AGFG1: variants seen among roughly 807,000 people sequenced by gnomAD.
The protein encoded by AGFG1 is ArfGAP with FG repeats 1, also known as arf-GAP domain and FG repeat-containing protein 1.
Under a neutral mutation model 60.6 loss-of-function variants are expected in AGFG1, and 10 were observed. That is an observed-to-expected ratio of 0.16 (90% CI 0.10 to 0.28). The LOEUF (loss-of-function observed/expected upper bound fraction) is 0.28. Among genes scored for constraint, AGFG1 ranks in the 10% least tolerant of loss-of-function variants. The pLI is 1.00. For synonymous variants in AGFG1, 247 were observed against 242.9 expected (o/e 1.02, Z -0.16); for missense variants, 537 against 676.5 (o/e 0.79, Z 2.29).
At chr2:227,488,425 A>G (rs1690703166) in intron 1 of AGFG1, among the ~76,000 whole-genome samples, 3 of 152,244 alleles carry the variant, frequency 2.0e-5, no homozygotes, top group Admixed American at 6.5e-5. Flanking sequence ...GTTTGCTCCA[A>G]AATTTCCAAA....
intron 6 of AGFG1, chr2:227,532,136 A>G: frequency 6.5e-7 from 1 of 1,541,148 alleles, no homozygotes; most frequent in Non-Finnish European, 8.7e-7. Context: ...CTGGCTGTCC[A>G]GCATTTAGAA....
chr2:227,525,050 T>A, intron 5 of AGFG1, 135 bp downstream of exon 5: 1 of 985,064 alleles, frequency 1.0e-6, no homozygotes, highest in Non-Finnish European at 1.5e-6. Flanking sequence ...TGTTGAGCTG[T>A]AATATGTAAC....
At chr2:227,491,008 T>TC (rs1469805948) in intron 1 of AGFG1, among the ~76,000 whole-genome samples, 1 of 152,178 alleles carries the variant, frequency 6.6e-6, no homozygotes, top group African/African-American at 2.4e-5. Context: ...TATAAATTCT[T>TC]ACTTGAATTG....
chr2:227,506,354 C>T (rs1399579678), intron 2 of AGFG1, among the ~76,000 whole-genome samples: 1 of 151,976 alleles, frequency 6.6e-6, no homozygotes, highest in African/African-American at 2.4e-5. Flanking sequence ...AGGAGTGAGC[C>T]AGAGACTTGG....
intron 2 of AGFG1, among the ~76,000 whole-genome samples, chr2:227,504,058 G>A (rs1362763826): frequency 6.6e-6 from 1 of 152,122 alleles, no homozygotes; most frequent in African/African-American, 2.4e-5. Context: ...TGTTTATTAA[G>A]TGGAAGTAGA....
chr2:227,534,130 A>T (rs1257420256), intron 7 of AGFG1, among the ~76,000 whole-genome samples: 1 of 151,292 alleles, frequency 6.6e-6, no homozygotes, highest in Non-Finnish European at 1.5e-5. Context: ...TTCCGTTAAC[A>T]TCTTGGTGGG....
At chr2:227,493,506 G>C (rs974801088) in intron 2 of AGFG1, among the ~76,000 whole-genome samples, 3 of 152,114 alleles carry the variant, frequency 2.0e-5, no homozygotes, top group African/African-American at 7.2e-5. Flanking sequence ...ATTTTTTAAG[G>C]CTATAGCATT....
chr2:227,487,027 A>G lies in AGFG1; in HGVS notation c.168-4520A>G, dbSNP rs535131921. On this transcript the variant is annotated intron_variant, in intron 1 of 12. Coordinates refer to ENST00000310078, the MANE Select transcript of AGFG1 (RefSeq NM_004504.5). Reference sequence around the variant, plus strand: ...GAAGCCTTGATTTAGAGAAATCAAGATAAGGTGTTGATGCTGGTGGGTATC... The same window carrying G: ...GAAGCCTTGATTTAGAGAAATCAAGGTAAGGTGTTGATGCTGGTGGGTATC... Among the ~76,000 whole-genome samples the G allele has an allele frequency of 4.6e-5, 7 of 152,342 alleles. No individual in the cohort carries two copies. The East Asian group carries it at 5.8e-4, about 13-fold the overall frequency.
chr2:227,554,284 A>G lies in AGFG1; in HGVS notation c.1630-152A>G, dbSNP rs765718166. 2.6e-5 allele frequency: 17 copies of G among 653,398 alleles called. No homozygotes were observed. The Middle Eastern group carries it at 1.3e-3, about 50-fold the overall frequency. The allele number at this position is 653,398 out of a possible 1,614,324, so 40.5% of individuals were successfully genotyped here. A position where few individuals can be genotyped will look rare whatever the true frequency, so the allele number is the denominator to read the frequency against. ...GACACATAGTAGTTTGATATAGCTTATTGCCAATAACAAATATTATTGCCA... is the reference window on the plus strand; with the variant it reads ...GACACATAGTAGTTTGATATAGCTTGTTGCCAATAACAAATATTATTGCCA... On this transcript the variant is annotated intron_variant, in intron 12 of 12. Transcript: ENST00000310078.
intron 10 of AGFG1, among the ~76,000 whole-genome samples, chr2:227,548,885 C>T (rs1266377983): frequency 1.3e-5 from 2 of 151,510 alleles, no homozygotes; most frequent in East Asian, 1.9e-4. Flanking sequence ...TGCAGTGAGC[C>T]GAGATCACAC....
At chr2:227,489,726 C>A (rs6742120) in intron 1 of AGFG1, among the ~76,000 whole-genome samples, 1 of 151,984 alleles carries the variant, frequency 6.6e-6, no homozygotes, top group Non-Finnish European at 1.5e-5. Flanking sequence ...AGATCATGAT[C>A]TGAAAGATGA....
intron 1 of AGFG1, among the ~76,000 whole-genome samples, chr2:227,472,919 G>A (rs1349667889): frequency 6.7e-6 from 1 of 148,730 alleles, no homozygotes; most frequent in East Asian, 2.0e-4. Flanking sequence ...GCCTGCGGCC[G>A]CCGCCCTCGC....
At chr2:227,523,710 G>T in intron 3 of AGFG1, 53 bp from the exon 4 acceptor site, 1 of 1,520,064 alleles carries the variant, frequency 6.6e-7, no homozygotes, top group Non-Finnish European at 9.0e-7. Flanking sequence ...ATCATTTTTT[G>T]ATATAGAATT....
In AGFG1 at chr2:227,558,217, C is replaced by CT. The variant is rs1693032037; in HGVS notation, c.*3727dup. 1.3e-5 allele frequency: 2 copies of CT among 152,254 alleles called. No individual in the cohort carries two copies. The highest frequency in any genetic ancestry group is 2.9e-5 in the Non-Finnish European group (2 of 68,016). 9.4% of individuals were successfully genotyped at this position (152,254 alleles called of 1,614,324 possible). ...CATAGAGAGGTTAAGCTAGTGGCAG[C>CT]TTTTTGCTCTGGGGAACAGATTTGG... On this transcript the variant is annotated 3_prime_UTR_variant, in exon 13 of 13. Transcript: ENST00000310078.
intron 2 of AGFG1, among the ~76,000 whole-genome samples, chr2:227,496,399 G>A (rs1408019747): frequency 6.8e-6 from 1 of 147,566 alleles, no homozygotes; most frequent in Non-Finnish European, 1.5e-5. Context: ...CCGAGATTGC[G>A]CCACTGCACT....
chr2:227,544,807 G>C (rs1295917662), intron 10 of AGFG1, among the ~76,000 whole-genome samples: 1 of 152,134 alleles, frequency 6.6e-6, no homozygotes, highest in Non-Finnish European at 1.5e-5. Context: ...CTGGCTTGTA[G>C]AGTTTCTGCT....
intron 2 of AGFG1, among the ~76,000 whole-genome samples, chr2:227,517,971 C>T (rs1428130102): frequency 1.3e-5 from 2 of 152,122 alleles, no homozygotes; most frequent in African/African-American, 4.8e-5. Flanking sequence ...TTTCATTGTG[C>T]AACCCTTTGT....
chr2:227,553,317 G>A (rs1692876987), intron 11 of AGFG1, among the ~76,000 whole-genome samples: 1 of 152,020 alleles, frequency 6.6e-6, no homozygotes, highest in African/African-American at 2.4e-5. Context: ...GGGCAATGTA[G>A]TGAAACCCTG....
chr2:227,506,737 A>G (rs1486378122), intron 2 of AGFG1, among the ~76,000 whole-genome samples: 1 of 152,100 alleles, frequency 6.6e-6, no homozygotes, highest in Non-Finnish European at 1.5e-5. Context: ...GTGGAAATCT[A>G]CACTGCTCGC....
Sources: allele counts gnomAD v4.1 joint callset (sites outside exome capture counted in the v4.1 genomes callset), GRCh38; gene constraint gnomAD v4.1.1; transcripts MANE v1.5; gene names NCBI Gene and HGNC (gene_info 2026-07-23, HGNC 2026-07-21).